MAP3K4: variants seen among roughly 807,000 people sequenced by gnomAD.
The protein encoded by MAP3K4 is MAP three kinase 1.
A neutral mutation model predicts 185.6 loss-of-function variants in MAP3K4; 67 were observed. That is an observed-to-expected ratio of 0.36 (90% CI 0.30 to 0.44). The LOEUF is 0.44. Among genes scored for constraint, MAP3K4 ranks in the 20% least tolerant of loss-of-function variants. The probability of loss-of-function intolerance (pLI) is 1.00; values close to 1 mark genes in which losing one functional copy is unlikely to be tolerated. For synonymous variants in MAP3K4, 702 were observed against 710.4 expected (o/e 0.99, Z 0.19); for missense variants, 1,551 against 1,995.1 (o/e 0.78, Z 4.24).
intron 1 of MAP3K4, among the ~76,000 whole-genome samples, chr6:161,003,275 A>ACTC (rs1781413599): frequency 5.2e-5 from 1 of 19,338 alleles, no homozygotes; most frequent in Non-Finnish European, 1.4e-4. Flanking sequence ...ACAAAAGCAT[A>ACTC]TTCTAAATTG....
chr6:161,045,077 G>C (rs1661140373), intron 2 of MAP3K4, among the ~76,000 whole-genome samples: 1 of 152,146 alleles, frequency 6.6e-6, no homozygotes, highest in African/African-American at 2.4e-5. Context: ...CTACTGCTGA[G>C]GTAGAGTAAT....
Position 161,087,987 on chromosome 6 carries a change from A to C in MAP3K4, c.2823+33A>C. On this transcript the variant is annotated intron_variant, in intron 10 of 26. Transcript: ENST00000392142. The surrounding 1 kb of genome is among the most constrained non-coding windows in gnomAD (Gnocchi z 4.9). ...TCATCTCCATCTTTGCAGCAGTGTT[A>C]CTTCAAGGACTTTTAGTAAGAATGA... 1.3e-6 allele frequency: 2 copies of C among 1,580,862 alleles called. No homozygotes were observed. Among genetic ancestry groups the C allele is most frequent in the Non-Finnish European group, 1.7e-6 (2 of 1,167,752 alleles).
chr6:161,021,251 T>C (rs1352976688), intron 1 of MAP3K4, among the ~76,000 whole-genome samples: 1 of 152,152 alleles, frequency 6.6e-6, no homozygotes, highest in Non-Finnish European at 1.5e-5. Context: ...TACCAACAGG[T>C]CACTTGGTCT....
chr6:161,025,884 T>G (rs1782626384), intron 1 of MAP3K4, among the ~76,000 whole-genome samples: 1 of 152,226 alleles, frequency 6.6e-6, no homozygotes, highest in Non-Finnish European at 1.5e-5. Context: ...GACAGTTTTT[T>G]ATCTTCCAAA....
intron 1 of MAP3K4, among the ~76,000 whole-genome samples, chr6:161,026,733 C>CTTTT (rs553664182): frequency 4.0e-3 from 382 of 96,106 alleles, no homozygotes; most frequent in African/African-American, 0.012. Context: ...GTTCTCTCTC[C>CTTTT]TTTTTTTTTT....
Position 161,110,004 on chromosome 6 carries a change from C to A in MAP3K4, c.4396+90C>A. The A allele has an allele frequency of 7.5e-7, 1 of 1,341,764 alleles. No homozygotes were observed. The highest frequency in any genetic ancestry group is 1.0e-6 in the Non-Finnish European group (1 of 952,900). 83.1% of individuals were successfully genotyped at this position (1,341,764 alleles called of 1,614,324 possible). On this transcript the variant is annotated intron_variant, in intron 23 of 26. Coordinates refer to ENST00000392142, the MANE Select transcript of MAP3K4 (RefSeq NM_005922.4). This position sits in a 1 kb window ranked among gnomAD's most constrained non-coding sequence, Gnocchi z 4.8. ...TCTGAAGACGCTCATCCCATTCCCA[C>A]ATATGATTTCTCTAGATGGAAATAC...
intron 1 of MAP3K4, among the ~76,000 whole-genome samples, chr6:160,998,905 T>C (rs1020784185): frequency 6.6e-6 from 1 of 152,234 alleles, no homozygotes; most frequent in Non-Finnish European, 1.5e-5. Flanking sequence ...AAATATTTAT[T>C]CACTAGCAGG....
intron 2 of MAP3K4, among the ~76,000 whole-genome samples, chr6:161,042,613 A>G (rs1043686278): frequency 6.6e-6 from 1 of 152,228 alleles, no homozygotes; most frequent in Non-Finnish European, 1.5e-5. Context: ...TTAGTCAAAT[A>G]TAACTGTTTG....
In MAP3K4 at chr6:161,080,831, G is replaced by A. The variant is rs1785417813; in HGVS notation, c.2098-50G>A. 5 of 1,568,710 alleles carry A rather than the reference G, an allele frequency of 3.2e-6. No homozygotes were observed. The highest frequency in any genetic ancestry group is 3.5e-6 in the Non-Finnish European group (4 of 1,146,080). ...TGTAGCTTTCAGGTGAGAGCGCTGA[G>A]TTGCCAAGTTCTACTTTCAAATGTC... On this transcript the variant is annotated intron_variant, in intron 5 of 26. Coordinates refer to ENST00000392142, the MANE Select transcript of MAP3K4 (RefSeq NM_005922.4). This position sits in a 1 kb window ranked among gnomAD's most constrained non-coding sequence, Gnocchi z 4.8.
intron 1 of MAP3K4, among the ~76,000 whole-genome samples, chr6:161,027,620 C>G (rs1475113226): frequency 2.0e-5 from 3 of 152,184 alleles, no homozygotes; most frequent in Admixed American, 1.3e-4. Flanking sequence ...TGACTCGGAA[C>G]TTCCATCAGT....
In MAP3K4 at chr6:161,097,051, G is replaced by GT. The variant is rs1583228311; in HGVS notation, c.3428-27dup. ...GATTTTCTGTGGACCATATTAACAA[G>GT]TTGCATTTGTTGCCATTTTTGCTGG... On this transcript the variant is annotated intron_variant, in intron 15 of 26. Coordinates refer to ENST00000392142, the MANE Select transcript of MAP3K4 (RefSeq NM_005922.4). The surrounding 1 kb of genome is among the most constrained non-coding windows in gnomAD (Gnocchi z 4.9). 2.5e-6 allele frequency: 4 copies of GT among 1,576,460 alleles called. No individual in the cohort carries two copies. The highest frequency in any genetic ancestry group is 2.2e-5 in the East Asian group (1 of 44,682).
At chr6:161,095,301 C>T (rs1777517696) in intron 15 of MAP3K4, among the ~76,000 whole-genome samples, 1 of 152,180 alleles carries the variant, frequency 6.6e-6, no homozygotes, top group African/African-American at 2.4e-5. Context: ...AAACTGGATG[C>T]TAATGAGGAT....
At position 161,076,826 on chromosome 6, in the gene MAP3K4, C is replaced by T. The variant is rs936610362; in HGVS notation, c.2097+3214C>T. ...TATTGGGTATCCACTGTGTGCCAGG[C>T]AGGCACCATGCGGGGACCAAGGAAC... On this transcript the variant is annotated intron_variant, in intron 5 of 26. Transcript: ENST00000392142. This position sits in a 1 kb window ranked among gnomAD's most constrained non-coding sequence, Gnocchi z 4.2. 6.6e-6 allele frequency among the ~76,000 whole-genome samples: 1 copy of T among 152,188 alleles called. No individual in the cohort carries two copies. The highest frequency in any genetic ancestry group is 1.5e-5 in the Non-Finnish European group (1 of 68,034).
In MAP3K4 at chr6:161,106,633, A is replaced by G. The variant is rs759826776; in HGVS notation, c.3976A>G (p.Lys1326Glu). The G allele has an allele frequency of 2.5e-6, 4 of 1,614,000 alleles. No individual in the cohort carries two copies. Among genetic ancestry groups the G allele is most frequent in the African/African-American group, 1.3e-5 (1 of 74,940 alleles). ...CATTGGTCAAGTTTGTGATACGCCT[A>G]AGTCCTATGATAATGTTATGCACGT... is the stretch of plus-strand genomic sequence containing the variant. Reference protein sequence around the residue: ...NIIGQVCDTPKSYDNVMHVGL... With the variant: ...NIIGQVCDTPESYDNVMHVGL... Residue 1326 changes from lysine to glutamate, a missense_variant, in exon 20 of 27, where the codon AAG (lysine) becomes GAG (glutamate). Lys to Glu is a moderately conservative substitution (Grantham distance 56, BLOSUM62 1). Around this residue, in one of 16 missense-constraint regions of MAP3K4, gnomAD observed 272 missense variants for 301.2 expected, o/e 0.90. Transcript: ENST00000392142. This position sits in a 1 kb window ranked among gnomAD's most constrained non-coding sequence, Gnocchi z 4.9.
chr6:161,041,565 G>A (rs775822993), intron 2 of MAP3K4, among the ~76,000 whole-genome samples: 17 of 152,232 alleles, frequency 1.1e-4, no homozygotes, highest in South Asian at 2.1e-4. Flanking sequence ...AGGCTCCAGA[G>A]AGGACCACGG....
Position 161,100,617 on chromosome 6 carries a change from C to T in MAP3K4, c.3675-1275C>T, listed in dbSNP as rs1182922530. 6.6e-6 allele frequency among the ~76,000 whole-genome samples: 1 copy of T among 152,180 alleles called. No individual in the cohort carries two copies. The highest frequency in any genetic ancestry group is 1.5e-5 in the Non-Finnish European group (1 of 68,030). On this transcript the variant is annotated intron_variant, in intron 17 of 26. Transcript: ENST00000392142. The surrounding 1 kb of genome is among the most constrained non-coding windows in gnomAD (Gnocchi z 5.8). ...AACCCACCTCCCCATCCCCGACATC[C>T]CCCACCAGAGCTAGTCGTTCAACAT...
Position 161,098,504 on chromosome 6 carries a change from G to A in MAP3K4, c.3674+77G>A, listed in dbSNP as rs1777681178. On this transcript the variant is annotated intron_variant, in intron 17 of 26. Transcript: ENST00000392142. This position sits in a 1 kb window ranked among gnomAD's most constrained non-coding sequence, Gnocchi z 4.4. ...TACACAGCAACCATAGTGTTAGGGT[G>A]TGTGCCGGCTGTGGTTGGGCTTCTT... 8 of 1,491,268 alleles carry A rather than the reference G, an allele frequency of 5.4e-6. No homozygotes were observed. Among genetic ancestry groups the A allele is most frequent in the Admixed American group, 4.2e-5 (2 of 47,766 alleles). 92.4% of individuals were successfully genotyped at this position (1,491,268 alleles called of 1,614,324 possible). A position where few individuals can be genotyped will look rare whatever the true frequency, so the allele number is the denominator to read the frequency against.
At chr6:160,992,435 C>T (rs1780773399) in intron 1 of MAP3K4, 2 of 348,504 alleles carry the variant, frequency 5.7e-6, no homozygotes, top group South Asian at 4.4e-5. Flanking sequence ...ACTGAAGTGC[C>T]TCTCATCATT....
chr6:161,075,245 A>G lies in MAP3K4; in HGVS notation c.2097+1633A>G, dbSNP rs1045019129. Among the ~76,000 whole-genome samples the G allele has an allele frequency of 1.9e-4, 29 of 152,224 alleles. No individual in the cohort carries two copies. The highest frequency in any genetic ancestry group is 6.7e-4 in the African/African-American group (28 of 41,530). ...TGACGGCTTCCTGTAGTCTCAACCT[A>G]CTGGGCTCAAACGATCCTCCTGCCT... On this transcript the variant is annotated intron_variant, in intron 5 of 26. Coordinates refer to ENST00000392142, the MANE Select transcript of MAP3K4 (RefSeq NM_005922.4). The surrounding 1 kb of genome is among the most constrained non-coding windows in gnomAD (Gnocchi z 4.3).
Sources: gnomAD v4.1 joint callset for allele counts (sites outside exome capture counted in the v4.1 genomes callset) on GRCh38, gnomAD v4.1.1 for gene constraint, gnomAD v4.1.1 regional missense constraint, Gnocchi (gnomAD v3.1) non-coding constraint, MANE v1.5 for transcripts, NCBI Gene and HGNC (gene_info 2026-07-23, HGNC 2026-07-21) for gene names.